SLCO2B1: variants seen among roughly 807,000 people sequenced by gnomAD.
SLCO2B1 encodes the protein OATP-RP2.
Under a neutral mutation model 67.3 loss-of-function variants are expected in SLCO2B1, and 41 were observed. The observed-to-expected ratio is 0.61, with a 90% confidence interval of 0.47 to 0.79. SLCO2B1 has a LOEUF of 0.79. SLCO2B1 is among the 30% of genes least tolerant of loss of function. The pLI, the probability that SLCO2B1 is intolerant of heterozygous loss-of-function variation, is 0.00. For synonymous variants in SLCO2B1, 379 were observed against 381.4 expected, an observed-to-expected ratio of 0.99 and a Z score of 0.07; for missense variants, 837 against 920.1, an observed-to-expected ratio of 0.91 and a Z score of 1.17.
intron 1 of SLCO2B1, among the ~76,000 whole-genome samples, chr11:75,154,755 A>G (rs2140299974): frequency 6.6e-6 from 1 of 152,324 alleles, no homozygotes; most frequent in Non-Finnish European, 1.5e-5. Flanking sequence ...CCCTGACCCC[A>G]GGGTCTCTGG....
chr11:75,196,348 A>G, intron 9 of SLCO2B1, 166 bp from the exon 10 acceptor site: 1 of 655,054 alleles, frequency 1.5e-6, no homozygotes, highest in Non-Finnish European at 2.6e-6. Context: ...CCTTCATTGC[A>G]AGGAGCTCAC....
chr11:75,169,642 C>A, intron 5 of SLCO2B1, 24 bp from the exon 6 acceptor site: 4 of 1,587,306 alleles, frequency 2.5e-6, no homozygotes, highest in Non-Finnish European at 3.4e-6. Flanking sequence ...GCCAGAGGAT[C>A]CTAACTCAGG....
At chr11:75,197,457 C>A (rs939342592) in intron 10 of SLCO2B1, among the ~76,000 whole-genome samples, 1 of 152,222 alleles carries the variant, frequency 6.6e-6, no homozygotes, top group South Asian at 2.1e-4. Flanking sequence ...AACACACATG[C>A]GCAAGCATGC....
At position 75,162,765 on chromosome 11, in the gene SLCO2B1, A is replaced by T; in HGVS notation, c.127A>T (p.Ser43Cys). 6.2e-7 allele frequency: 1 copy of T among 1,613,934 alleles called. No homozygotes were observed. Among genetic ancestry groups the T allele is most frequent in the South Asian group, 1.1e-5 (1 of 91,064 alleles). Residue 43 changes from serine (S) to cysteine (C), a missense_variant, in exon 2 of 14, where the codon AGT (serine) becomes TGT (cysteine). Physicochemically the swap from Ser to Cys is moderately radical, Grantham distance 112 (BLOSUM62 -1). Transcript: ENST00000289575. ...ASPDPQDVRP[S>C]VFHNIKLFVL... ...CCCAGACCCTCAGGACGTGCGGCCA[A>T]GTGTGTTCCATAACATCAAGGTACC...
chr11:75,159,210 T>A lies in SLCO2B1; in HGVS notation c.17-3445T>A, dbSNP rs577145825. On this transcript the variant is annotated intron_variant, in intron 1 of 13. Coordinates refer to ENST00000289575, the MANE Select transcript of SLCO2B1 (RefSeq NM_007256.5). ...GGACACGATGTGCCTGCATGAGTGA[T>A]CAGCCAAGTGACCGACTGACAGTCA... Among the ~76,000 whole-genome samples, 5 of 152,334 alleles carry A rather than the reference T, an allele frequency of 3.3e-5. No individual in the cohort carries two copies. In the East Asian group the frequency reaches 9.6e-4, roughly 29 times the overall value.
At chr11:75,189,224 CTGCCGTG>C (rs1288470182) in intron 8 of SLCO2B1, among the ~76,000 whole-genome samples, 1 of 151,778 alleles carries the variant, frequency 6.6e-6, no homozygotes, top group African/African-American at 2.4e-5. Context: ...GATTGAGTGC[CTGCCGTG>C]TGCCCAGCTC....
At chr11:75,195,483 GC>G (rs1945085619) in intron 9 of SLCO2B1, among the ~76,000 whole-genome samples, 1 of 152,018 alleles carries the variant, frequency 6.6e-6, no homozygotes, top group East Asian at 1.9e-4. Context: ...CTGATAGAGT[GC>G]CCCCTCACCC....
At chr11:75,191,830 C>T (rs556699408) in intron 8 of SLCO2B1, among the ~76,000 whole-genome samples, 1 of 152,296 alleles carries the variant, frequency 6.6e-6, no homozygotes, top group African/African-American at 2.4e-5. Flanking sequence ...CAGAAAATGT[C>T]CTTGACACTT....
intron 6 of SLCO2B1, 109 bp downstream of exon 6, chr11:75,169,873 CTTG>C: frequency 1.2e-6 from 1 of 828,510 alleles, no homozygotes; most frequent in Non-Finnish European, 2.0e-6. Flanking sequence ...CACCACTGAC[CTTG>C]GGCAAGTCTC....
chr11:75,180,574 AT>A (rs1950080913), intron 7 of SLCO2B1, among the ~76,000 whole-genome samples: 1 of 152,186 alleles, frequency 6.6e-6, no homozygotes, highest in Admixed American at 6.5e-5. Context: ...ATCTATACAC[AT>A]TCAGGTGTGA....
At chr11:75,186,664 C>G (rs1193341972) in intron 7 of SLCO2B1, among the ~76,000 whole-genome samples, 1 of 152,152 alleles carries the variant, frequency 6.6e-6, no homozygotes, top group Non-Finnish European at 1.5e-5. Context: ...AGGCATAAGT[C>G]TTCTTCCAGC....
Position 75,196,500 on chromosome 11 carries a change from T to C in SLCO2B1, c.1434-14T>C. ...GGAAGCCAGGCCAACCCTACTGGTC[T>C]TCTCTCCCACCAGTGCCCACCCTGG... On this transcript the variant is annotated splice_polypyrimidine_tract_variant and intron_variant, in intron 9 of 13. Coordinates refer to ENST00000289575, the MANE Select transcript of SLCO2B1 (RefSeq NM_007256.5). 6.2e-7 allele frequency: 1 copy of C among 1,611,330 alleles called. No homozygotes were observed. The highest frequency in any genetic ancestry group is 8.5e-7 in the Non-Finnish European group (1 of 1,178,556).
intron 8 of SLCO2B1, among the ~76,000 whole-genome samples, chr11:75,188,929 A>T (rs1944977744): frequency 6.6e-6 from 1 of 151,680 alleles, no homozygotes; most frequent in African/African-American, 2.4e-5. Context: ...CTCTCCTCCC[A>T]CCCACTGCTG....
At chr11:75,178,992 C>T (rs1950060131) in intron 7 of SLCO2B1, among the ~76,000 whole-genome samples, 1 of 152,162 alleles carries the variant, frequency 6.6e-6, no homozygotes, top group South Asian at 2.1e-4. Flanking sequence ...ATACATACTA[C>T]ATTTTCTTTA....
chr11:75,153,959 C>T (rs117865658), intron 1 of SLCO2B1, among the ~76,000 whole-genome samples: 1,819 of 148,990 alleles, frequency 0.012, 11 homozygotes, highest in Non-Finnish European at 0.019. Flanking sequence ...AGAGTCTTAC[C>T]CCGTCACCCA....
chr11:75,187,507 G>A (rs1409352736), intron 7 of SLCO2B1, among the ~76,000 whole-genome samples: 2 of 152,204 alleles, frequency 1.3e-5, no homozygotes, highest in Non-Finnish European at 2.9e-5. Context: ...AACATTGGTG[G>A]TGATGATGGC....
At chr11:75,151,687 C>T in intron 1 of SLCO2B1, 3 of 501,352 alleles carry the variant, frequency 6.0e-6, no homozygotes, top group Non-Finnish European at 1.1e-5. Context: ...CCCTGACCCC[C>T]TCTTCAAGCC....
At position 75,172,586 on chromosome 11, in the gene SLCO2B1, T is replaced by C. The variant is rs1949975683; in HGVS notation, c.972+17T>C. On this transcript the variant is annotated intron_variant, in intron 7 of 13. Coordinates refer to ENST00000289575, the MANE Select transcript of SLCO2B1 (RefSeq NM_007256.5). ...GCCAGGAAGGTAAGCTCCCTCCATGTCACCTGACTGGGTCCAGGCTCCAGC... is the reference window on the plus strand; with the variant it reads ...GCCAGGAAGGTAAGCTCCCTCCATGCCACCTGACTGGGTCCAGGCTCCAGC... 6.2e-7 allele frequency: 1 copy of C among 1,605,878 alleles called. No homozygotes were observed. The highest frequency in any genetic ancestry group is 8.5e-7 in the Non-Finnish European group (1 of 1,173,514).
intron 7 of SLCO2B1, among the ~76,000 whole-genome samples, chr11:75,181,745 G>T (rs1950094265): frequency 6.6e-6 from 1 of 152,206 alleles, no homozygotes; most frequent in Non-Finnish European, 1.5e-5. Flanking sequence ...AATCAGCAAA[G>T]AGCCCCCAGA....
Sources: gnomAD v4.1 joint callset for allele counts (sites outside exome capture counted in the v4.1 genomes callset) on GRCh38, gnomAD v4.1.1 for gene constraint, MANE v1.5 for transcripts, NCBI Gene and HGNC (gene_info 2026-07-23, HGNC 2026-07-21) for gene names.